Variants in GPC5 observed in about 807,000 individuals in gnomAD.
GPC5 encodes the protein glypican-5.
Under a neutral mutation model 53.9 loss-of-function variants are expected in GPC5, and 47 were observed. The ratio of observed to expected loss-of-function variants is 0.87; its 90% CI spans 0.69 to 1.11. The LOEUF is 1.11. GPC5 is among the 50% of genes most tolerant of loss of function. The pLI, the probability that GPC5 is intolerant of heterozygous loss-of-function variation, is 0.00. For synonymous variants in GPC5, 286 were observed against 263.3 expected (o/e 1.09, Z -0.84); for missense variants, 748 against 713.1 (o/e 1.05, Z -0.56).
At chr13:91,442,896 C>A (rs764285881) in intron 1 of GPC5, among the ~76,000 whole-genome samples, 39 of 152,126 alleles carry the variant, frequency 2.6e-4, no homozygotes, top group Non-Finnish European at 4.9e-4. Flanking sequence ...GGAGGCTTCT[C>A]CCATCTGCTG....
At chr13:92,527,172 G>A (rs77705986) in intron 7 of GPC5, among the ~76,000 whole-genome samples, 3 of 60,954 alleles carry the variant, frequency 4.9e-5, no homozygotes, top group East Asian at 4.0e-4. Flanking sequence ...AAGAAAGAAA[G>A]AGAAAGAAAG....
intron 7 of GPC5, among the ~76,000 whole-genome samples, chr13:92,735,556 GC>G (rs1888913247): frequency 6.6e-6 from 1 of 151,868 alleles, no homozygotes; most frequent in African/African-American, 2.4e-5. Flanking sequence ...ATTCTGAAAT[GC>G]TTTTAAACTA....
chr13:92,824,983 T>C (rs891987611), intron 7 of GPC5, among the ~76,000 whole-genome samples: 1 of 152,146 alleles, frequency 6.6e-6, no homozygotes, highest in Admixed American at 6.6e-5. Flanking sequence ...AATAAAACTT[T>C]TAAAAATTTT....
Position 92,663,742 on chromosome 13 carries a change from T to G in GPC5, c.1562-202540T>G, listed in dbSNP as rs865873932. On this transcript the variant is annotated intron_variant, in intron 7 of 7. Coordinates refer to ENST00000377067, the MANE Select transcript of GPC5 (RefSeq NM_004466.6). ...ATATCTACTAAATATATCTACTATA[T>G]ATATCTCTACTAAATATATATATAC... Among the ~76,000 whole-genome samples, 270 of 141,968 alleles carry G rather than the reference T, an allele frequency of 1.9e-3. 2 individuals are homozygous for G. Among genetic ancestry groups the G allele is most frequent in the African/African-American group, 6.7e-3 (257 of 38,262 alleles). 93.1% of individuals were successfully genotyped at this position (141,968 alleles called of 152,430 possible).
chr13:92,628,264 C>CTTTCTTTTTTTT (rs1885115304), intron 7 of GPC5, among the ~76,000 whole-genome samples: 1 of 45,338 alleles, frequency 2.2e-5, no homozygotes, highest in Non-Finnish European at 4.3e-5. Context: ...CTTTTTCTTT[C>CTTTCTTTTTTTT]TTTTTTTTTT....
chr13:92,482,284 A>C (rs1302613957), intron 7 of GPC5, among the ~76,000 whole-genome samples: 3 of 152,210 alleles, frequency 2.0e-5, no homozygotes, highest in African/African-American at 7.2e-5. Context: ...TTCTGTTTTA[A>C]TCTAACAACA....
chr13:91,822,583 T>G (rs2038513057), intron 5 of GPC5, among the ~76,000 whole-genome samples: 1 of 152,092 alleles, frequency 6.6e-6, no homozygotes, highest in African/African-American at 2.4e-5. Flanking sequence ...ATAAAAACCA[T>G]CAGATCTTGT....
intron 7 of GPC5, among the ~76,000 whole-genome samples, chr13:92,486,415 T>C (rs1482697157): frequency 6.6e-6 from 1 of 152,220 alleles, no homozygotes; most frequent in Non-Finnish European, 1.5e-5. Flanking sequence ...TTTTGTAAAA[T>C]AGAAACCACA....
At chr13:91,969,132 C>A (rs1362310543) in intron 6 of GPC5, among the ~76,000 whole-genome samples, 1 of 151,978 alleles carries the variant, frequency 6.6e-6, no homozygotes, top group African/African-American at 2.4e-5. Context: ...CCACCCTCAG[C>A]TAATTTTTGT....
intron 7 of GPC5, among the ~76,000 whole-genome samples, chr13:92,700,556 G>A (rs1262113287): frequency 6.6e-6 from 1 of 151,930 alleles, no homozygotes; most frequent in Admixed American, 6.6e-5. Flanking sequence ...TTACAATTTG[G>A]TATGAGTTTT....
chr13:92,772,579 T>C (rs547007488), intron 7 of GPC5, among the ~76,000 whole-genome samples: 48 of 152,330 alleles, frequency 3.2e-4, no homozygotes, highest in Non-Finnish European at 6.3e-4. Flanking sequence ...GTCATTTCTT[T>C]ATCATTCACC....
chr13:92,155,433 T>C (rs1029884950), intron 7 of GPC5, among the ~76,000 whole-genome samples: 2 of 152,206 alleles, frequency 1.3e-5, no homozygotes. Context: ...TGTTGGTAGC[T>C]CTGAGTTGGT....
rs137961608 is a variant in GPC5, at chr13:92,658,764, T to C, written c.1562-207518T>C. The stretch of plus-strand genomic sequence containing the variant: ...AAGAAGAAATATTTCAGAAAAGTCA[T>C]GTAATCCAGAGGGCTGGGAGTGTAG... On this transcript the variant is annotated intron_variant, in intron 7 of 7. Transcript: ENST00000377067. 9.4e-3 allele frequency among the ~76,000 whole-genome samples: 1,426 copies of C among 152,034 alleles called. 26 individuals are homozygous for C. The highest frequency in any genetic ancestry group is 0.033 in the African/African-American group (1,350 of 41,432).
At chr13:91,571,731 A>G (rs1381819483) in intron 2 of GPC5, among the ~76,000 whole-genome samples, 1 of 143,084 alleles carries the variant, frequency 7.0e-6, no homozygotes, top group Non-Finnish European at 1.5e-5. Flanking sequence ...TCTCAAATAT[A>G]TATATATGTA....
chr13:92,464,963 TAATG>T (rs964822962), intron 7 of GPC5, among the ~76,000 whole-genome samples: 92 of 151,936 alleles, frequency 6.1e-4, no homozygotes, highest in African/African-American at 1.8e-3. Context: ...AAACTAAACA[TAATG>T]AAAGAAGAAG....
intron 7 of GPC5, among the ~76,000 whole-genome samples, chr13:92,325,608 G>A (rs1262057768): frequency 6.6e-6 from 1 of 151,972 alleles, no homozygotes; most frequent in African/African-American, 2.4e-5. Context: ...CCTTTCACTA[G>A]GCAAACAGAT....
rs182065906 is a variant in GPC5 at position 92,354,049 on chromosome 13, C to T, written c.1561+209060C>T. The stretch of plus-strand genomic sequence containing the variant: ...ATAAATCTGTCTTTGCCACTTTTTC[C>T]ATGCATTCTATTAATAAGTCTTGTT... On this transcript the variant is annotated intron_variant, in intron 7 of 7. Coordinates refer to ENST00000377067, the MANE Select transcript of GPC5 (RefSeq NM_004466.6). Among the ~76,000 whole-genome samples the T allele has an allele frequency of 3.9e-3, 599 of 152,164 alleles. 9 individuals are homozygous for T. In the East Asian group the frequency reaches 0.045, roughly 11 times the overall value.
intron 7 of GPC5, among the ~76,000 whole-genome samples, chr13:92,150,288 GA>G (rs1368982884): frequency 7.1e-6 from 1 of 140,956 alleles, no homozygotes; most frequent in Non-Finnish European, 1.5e-5. Flanking sequence ...TAAAACCATA[GA>G]AAAATTCACA....
intron 7 of GPC5, among the ~76,000 whole-genome samples, chr13:92,419,586 TACATAA>T (rs1214775549): frequency 1.3e-5 from 2 of 152,202 alleles, no homozygotes; most frequent in Non-Finnish European, 2.9e-5. Context: ...TCATATTATA[TACATAA>T]ACTCTCTGAC....
Sources: allele counts gnomAD v4.1 joint callset (sites outside exome capture counted in the v4.1 genomes callset), GRCh38; gene constraint gnomAD v4.1.1; transcripts MANE v1.5; gene names NCBI Gene and HGNC (gene_info 2026-07-23, HGNC 2026-07-21).